The following PDGFRA variants were observed in gnomAD, a reference collection of about 807,000 sequenced individuals.
The protein encoded by PDGFRA is platelet-derived growth factor receptor alpha.
PDGFRA carries 25 observed loss-of-function variants against 121.5 expected under a neutral mutation model. That is an observed-to-expected ratio of 0.21 (90% CI 0.15 to 0.29). PDGFRA has a LOEUF of 0.29. Among genes scored for constraint, PDGFRA ranks in the 10% least tolerant of loss-of-function variants. The pLI is 1.00. For missense variants in PDGFRA, 1,008 were observed against 1,345.1 expected, an observed-to-expected ratio of 0.75 and a Z score of 3.92; for synonymous variants, 463 against 494.8, an observed-to-expected ratio of 0.94 and a Z score of 0.85.
chr4:54,290,011 C>G (rs763752426), intron 21 of PDGFRA, among the ~76,000 whole-genome samples: 4 of 152,230 alleles, frequency 2.6e-5, no homozygotes, highest in Admixed American at 1.3e-4. Flanking sequence ...GGGACCCATC[C>G]AAGCCCTGGA....
At chr4:54,269,169 C>G (rs1723193637) in intron 7 of PDGFRA, among the ~76,000 whole-genome samples, 1 of 152,106 alleles carries the variant, frequency 6.6e-6, no homozygotes, top group Non-Finnish European at 1.5e-5. Flanking sequence ...CCAGGGTACT[C>G]TCTTAAGGAA....
chr4:54,236,572 C>T (rs1383272575), intron 1 of PDGFRA, among the ~76,000 whole-genome samples: 6 of 152,128 alleles, frequency 3.9e-5, no homozygotes, highest in East Asian at 1.9e-4. Context: ...GGGAAGCCGA[C>T]GTGGGTGAAT....
chr4:54,258,701 C>A, intron 1 of PDGFRA, 56 bp from the exon 2 acceptor site: 2 of 1,023,718 alleles, frequency 2.0e-6, no homozygotes, highest in Non-Finnish European at 3.1e-6. Flanking sequence ...GAGAACTAGG[C>A]TCCAGGGTTG....
At chr4:54,279,037 C>G (rs1723918181) in intron 15 of PDGFRA, 1 of 339,848 alleles carries the variant, frequency 2.9e-6, no homozygotes, top group Non-Finnish European at 6.0e-6. Flanking sequence ...TTGGTGGACA[C>G]CAAATGGGTG....
intron 17 of PDGFRA, 107 bp downstream of exon 17, chr4:54,285,593 TCTTA>T (rs1724315602): frequency 1.3e-6 from 1 of 748,802 alleles, no homozygotes; most frequent in Non-Finnish European, 2.5e-6. Flanking sequence ...AACAGGGGCC[TCTTA>T]CTTACCTGTC....
In PDGFRA at chr4:54,295,326, C is replaced by A. The variant is rs1724834069; in HGVS notation, c.*54C>A. On this transcript the variant is annotated 3_prime_UTR_variant, in exon 23 of 23. Coordinates refer to ENST00000257290, the MANE Select transcript of PDGFRA (RefSeq NM_006206.6). The stretch of plus-strand genomic sequence containing the variant: ...TCTGGGGCCACCTCTGGATCCCGTT[C>A]AGAAAACCACTTTATTGCAATGCAG... 4 of 1,569,706 alleles carry A rather than the reference C, an allele frequency of 2.5e-6. No homozygotes were observed. Among genetic ancestry groups the A allele is most frequent in the South Asian group, 1.1e-5 (1 of 90,070 alleles).
In PDGFRA at chr4:54,267,603, A is replaced by G. The variant is rs878854835; in HGVS notation, c.983A>G (p.Asn328Ser). The G allele has an allele frequency of 6.8e-6, 11 of 1,614,222 alleles. No homozygotes were observed. Among genetic ancestry groups the G allele is most frequent in the Non-Finnish European group, 8.5e-6 (10 of 1,180,030 alleles). The stretch of plus-strand genomic sequence containing the variant: ...ACCTTCAGCCAGTTGGAAGCTGTCA[A>G]CCTGCATGAAGTCAAACATTTTGTT... ...KPTFSQLEAV[N>S]LHEVKHFVVE... Residue 328 changes from asparagine to serine, a missense_variant, in exon 7 of 23, where the codon AAC (asparagine) becomes AGC (serine). By Grantham distance (46) the Asn-to-Ser change is conservative (BLOSUM62 1). Around this residue, in one of 5 missense-constraint regions of PDGFRA, gnomAD observed 575 missense variants for 701.8 expected, o/e 0.82. Coordinates refer to ENST00000257290, the MANE Select transcript of PDGFRA (RefSeq NM_006206.6).
chr4:54,256,494 TC>T (rs1486987642), intron 1 of PDGFRA, among the ~76,000 whole-genome samples: 3 of 150,390 alleles, frequency 2.0e-5, no homozygotes, highest in Non-Finnish European at 4.4e-5. Flanking sequence ...TGCCTTGGCC[TC>T]CCAAAGTGCT....
chr4:54,234,175 TGATGATGGG>T (rs975026687), intron 1 of PDGFRA, among the ~76,000 whole-genome samples: 4 of 152,128 alleles, frequency 2.6e-5, no homozygotes, highest in Admixed American at 6.5e-5. Flanking sequence ...GTGATGGGGA[TGATGATGGG>T]GATGATGGGG....
rs149951350 is a variant in PDGFRA, at chr4:54,263,898, C to G, written c.599C>G (p.Thr200Ser). The change falls in exon 4 of 23, where the codon ACC becomes AGC. Residue 200 changes from threonine to serine, a missense_variant. Thr to Ser is a moderately conservative substitution (Grantham distance 58). Coordinates refer to ENST00000257290, the MANE Select transcript of PDGFRA (RefSeq NM_006206.6). ...EATVKGKKFQ[T>S]IPFNVYALKA... Reference sequence around the variant, plus strand: ...ACCGTCAAAGGAAAGAAGTTCCAGACCATCCCATTTAATGTTTATGCTTTA... The same window carrying G: ...ACCGTCAAAGGAAAGAAGTTCCAGAGCATCCCATTTAATGTTTATGCTTTA... The G allele has an allele frequency of 5.5e-4, 895 of 1,613,948 alleles. No homozygotes were observed. Among genetic ancestry groups the G allele is most frequent in the Non-Finnish European group, 6.3e-4 (745 of 1,179,942 alleles).
In PDGFRA at chr4:54,290,305, G is replaced by GTTT. The variant is rs757950921; in HGVS notation, c.2881-7_2881-5dup. 1.2e-6 allele frequency: 2 copies of GTTT among 1,605,054 alleles called. No individual in the cohort carries two copies. The highest frequency in any genetic ancestry group is 2.2e-5 in the South Asian group (2 of 90,916). ...ACTTGATTAAATATGTTCAATGAAT[G>GTTT]TTTATAGAGTTATGAAAAAATTCAC... On this transcript the variant is annotated splice_polypyrimidine_tract_variant and splice_region_variant and intron_variant, in intron 21 of 22. Transcript: ENST00000257290.
At chr4:54,253,448 A>C (rs1722175443) in intron 1 of PDGFRA, among the ~76,000 whole-genome samples, 1 of 152,150 alleles carries the variant, frequency 6.6e-6, no homozygotes, top group South Asian at 2.1e-4. Context: ...GAGAAAGCAT[A>C]AGAAGGCTAA....
At chr4:54,275,687 A>T (rs1011634721) in intron 12 of PDGFRA, among the ~76,000 whole-genome samples, 1 of 152,272 alleles carries the variant, frequency 6.6e-6, no homozygotes, top group Non-Finnish European at 1.5e-5. Context: ...TGCAAAATAC[A>T]GAAGAGTTTA....
chr4:54,269,611 T>TA (rs1313836024), intron 7 of PDGFRA, among the ~76,000 whole-genome samples: 5 of 140,778 alleles, frequency 3.6e-5, no homozygotes, highest in Admixed American at 1.4e-4. Flanking sequence ...GAGACATATA[T>TA]TTTTTTTTTT....
At position 54,291,173 on chromosome 4, in the gene PDGFRA, C is replaced by G. The variant is rs534173035; in HGVS notation, c.3122+619C>G. Reference sequence around the variant, plus strand: ...AGTATTCGTCACCCAGCTTCAATGACTATGCCCTCTGCCAGCCTGGATGCA... The same window carrying G: ...AGTATTCGTCACCCAGCTTCAATGAGTATGCCCTCTGCCAGCCTGGATGCA... On this transcript the variant is annotated intron_variant, in intron 22 of 22. Coordinates refer to ENST00000257290, the MANE Select transcript of PDGFRA (RefSeq NM_006206.6). Among the ~76,000 whole-genome samples, 28 of 152,306 alleles carry G rather than the reference C, an allele frequency of 1.8e-4. 2 individuals carry two copies. The South Asian group carries it at 5.8e-3, about 32-fold the overall frequency.
At chr4:54,295,038 A>G (rs1013165221) in intron 22 of PDGFRA, 87 bp from the exon 23 acceptor site, 53 of 1,379,400 alleles carry the variant, frequency 3.8e-5, no homozygotes, top group Non-Finnish European at 5.0e-5. Flanking sequence ...TTGAATGCCA[A>G]AGGCTTTCGT....
At chr4:54,283,836 A>G (rs1042403665) in intron 16 of PDGFRA, among the ~76,000 whole-genome samples, 2 of 152,136 alleles carry the variant, frequency 1.3e-5, no homozygotes, top group Non-Finnish European at 2.9e-5. Context: ...TCTTGGACTC[A>G]AGCAATCCTC....
At chr4:54,278,726 C>A in intron 15 of PDGFRA, 2 of 662,112 alleles carry the variant, frequency 3.0e-6, no homozygotes, top group Admixed American at 2.1e-5. Context: ...CATGGGAAGG[C>A]CTTGCTGATA....
At chr4:54,254,651 G>C (rs964186539) in intron 1 of PDGFRA, among the ~76,000 whole-genome samples, 11 of 152,210 alleles carry the variant, frequency 7.2e-5, no homozygotes, top group African/African-American at 2.7e-4. Flanking sequence ...CATCAAGCTG[G>C]CTCTGGAGGT....
Sources: gnomAD v4.1 joint callset for allele counts (sites outside exome capture counted in the v4.1 genomes callset) on GRCh38, gnomAD v4.1.1 for gene constraint, gnomAD v4.1.1 regional missense constraint, MANE v1.5 for transcripts, NCBI Gene and HGNC (gene_info 2026-07-23, HGNC 2026-07-21) for gene names.